NCKAP5: variants seen among roughly 807,000 people sequenced by gnomAD.
NCKAP5 encodes the protein NCK associated protein 5.
Under a neutral mutation model 167.0 loss-of-function variants are expected in NCKAP5, and 92 were observed. The observed-to-expected ratio is 0.55, with a 90% CI of 0.47 to 0.66. NCKAP5 has a LOEUF of 0.66. NCKAP5 is among the 30% of genes least tolerant of loss of function. The probability of loss-of-function intolerance (pLI) is 0.00; values close to 1 mark genes in which losing one functional copy is unlikely to be tolerated. For missense variants in NCKAP5, 2,378 were observed against 2,315.0 expected, an observed-to-expected ratio of 1.03 and a Z score of -0.56; for synonymous variants, 891 against 877.4, an observed-to-expected ratio of 1.02 and a Z score of -0.27.
intron 3 of NCKAP5, among the ~76,000 whole-genome samples, chr2:133,324,908 A>G (rs1682326325): frequency 6.6e-6 from 1 of 152,108 alleles, no homozygotes; most frequent in Non-Finnish European, 1.5e-5. Context: ...GAGTTTCACC[A>G]TGTTGACCAG....
At chr2:132,914,155 A>T (rs1694677745) in intron 8 of NCKAP5, among the ~76,000 whole-genome samples, 2 of 152,200 alleles carry the variant, frequency 1.3e-5, no homozygotes, top group Non-Finnish European at 2.9e-5. Context: ...CAAATAGCAC[A>T]TCTATGTGAA....
At chr2:133,025,782 G>A (rs1268571379) in intron 6 of NCKAP5, among the ~76,000 whole-genome samples, 1 of 152,172 alleles carries the variant, frequency 6.6e-6, no homozygotes, top group African/African-American at 2.4e-5. Flanking sequence ...TCCAGGGATT[G>A]TAGTCATGAT....
chr2:133,672,374 T>C, the NCKAP5 span, among the ~76,000 whole-genome samples: 4 of 152,242 alleles, frequency 2.6e-5, no homozygotes, highest in East Asian at 5.8e-4. Flanking sequence ...AAACTATTTG[T>C]TGCTGATCTG....
At chr2:132,813,611 C>A (rs1214340527) in intron 11 of NCKAP5, among the ~76,000 whole-genome samples, 1 of 152,172 alleles carries the variant, frequency 6.6e-6, no homozygotes, top group Admixed American at 6.5e-5. Flanking sequence ...GTGACTCCTC[C>A]TGTGACACCA....
chr2:132,814,863 T>C (rs1187336145), intron 11 of NCKAP5, among the ~76,000 whole-genome samples: 2 of 152,198 alleles, frequency 1.3e-5, no homozygotes, highest in African/African-American at 4.8e-5. Flanking sequence ...AATGTTTCCA[T>C]TGTTTTTGCT....
intron 6 of NCKAP5, among the ~76,000 whole-genome samples, chr2:133,112,802 A>G (rs1457396097): frequency 6.6e-6 from 1 of 152,190 alleles, no homozygotes. Flanking sequence ...GCCTCCTACA[A>G]ATATCCAAAT....
intron 6 of NCKAP5, among the ~76,000 whole-genome samples, chr2:133,029,978 A>G (rs1490237627): frequency 3.3e-5 from 5 of 152,190 alleles, no homozygotes; most frequent in Admixed American, 1.3e-4. Flanking sequence ...TGGCTGCCCA[A>G]ATCAAGAAAA....
intron 9 of NCKAP5, among the ~76,000 whole-genome samples, chr2:132,877,917 T>C (rs1265681542): frequency 6.6e-6 from 1 of 152,250 alleles, no homozygotes; most frequent in African/African-American, 2.4e-5. Context: ...TCTTCTTTTC[T>C]TTCTAAAATC....
intron 8 of NCKAP5, among the ~76,000 whole-genome samples, chr2:132,903,950 C>A (rs1212915860): frequency 2.0e-5 from 3 of 152,086 alleles, no homozygotes; most frequent in African/African-American, 7.2e-5. Context: ...GGTGATAATT[C>A]TTTTTCTTGT....
rs79320558 is a variant in NCKAP5, at chr2:132,762,521, A to C, written c.5128+11295T>G. On this transcript the variant is annotated intron_variant, in intron 16 of 19. Transcript: ENST00000409261. ...TGTACTTTAGAGCAATAGGCCTTGG[A>C]AATGGGTGGGGAAAGGGCAAAACTT... Among the ~76,000 whole-genome samples, 1,077 of 152,276 alleles carry C rather than the reference A, an allele frequency of 7.1e-3. 15 individuals carry two copies. Among genetic ancestry groups the C allele is most frequent in the African/African-American group, 0.025 (1,019 of 41,552 alleles).
intron 10 of NCKAP5, among the ~76,000 whole-genome samples, chr2:132,864,817 T>C (rs937355221): frequency 6.6e-6 from 1 of 152,186 alleles, no homozygotes; most frequent in African/African-American, 2.4e-5. Flanking sequence ...GCAGTGTCTA[T>C]CATGGGAATA....
At chr2:133,224,786 T>A (rs1484797248) in intron 4 of NCKAP5, among the ~76,000 whole-genome samples, 1 of 152,156 alleles carries the variant, frequency 6.6e-6, no homozygotes, top group African/African-American at 2.4e-5. Flanking sequence ...GAGCAAAAAT[T>A]CGCCTAATTT....
chr2:132,939,080 G>A (rs1374969767), intron 8 of NCKAP5, among the ~76,000 whole-genome samples: 1 of 152,136 alleles, frequency 6.6e-6, no homozygotes, highest in Non-Finnish European at 1.5e-5. Flanking sequence ...TAAAGTACAA[G>A]GGAATAATTT....
chr2:133,531,544 A>T (rs765515627), intron 2 of NCKAP5, among the ~76,000 whole-genome samples: 1 of 152,090 alleles, frequency 6.6e-6, no homozygotes, highest in African/African-American at 2.4e-5. Context: ...GAAAATTGCA[A>T]CGTTTTTGGC....
chr2:133,577,856 C>G, the NCKAP5 span, among the ~76,000 whole-genome samples: 1 of 152,200 alleles, frequency 6.6e-6, no homozygotes, highest in African/African-American at 2.4e-5. Context: ...AACAACTGCT[C>G]TTGGTTTCCA....
intron 8 of NCKAP5, among the ~76,000 whole-genome samples, chr2:132,884,444 G>A (rs138809307): frequency 8.6e-4 from 131 of 152,274 alleles, no homozygotes; most frequent in African/African-American, 2.7e-3. Flanking sequence ...AGCAGGCTCC[G>A]GTTCCAGTTC....
intron 8 of NCKAP5, among the ~76,000 whole-genome samples, chr2:132,906,854 T>G (rs1694045594): frequency 2.0e-5 from 3 of 152,248 alleles, no homozygotes; most frequent in Admixed American, 1.3e-4. Flanking sequence ...CCTCAGGAGT[T>G]TGGGGGTCAA....
rs1451702134 is a variant in NCKAP5 at position 133,446,800 on chromosome 2, G to A, written c.69+70658C>T. 1.3e-5 allele frequency among the ~76,000 whole-genome samples: 2 copies of A among 152,166 alleles called. 1 individual carries two copies. The highest frequency in any genetic ancestry group is 2.9e-5 in the Non-Finnish European group (2 of 68,042). ...TGGAGGAGATGAGACAACCATGGGA[G>A]AGAGGGGAGAGGCAGGAAGAAGAGG... On this transcript the variant is annotated intron_variant, in intron 3 of 19. Transcript: ENST00000409261.
chr2:133,542,031 A>G (rs750314391), intron 2 of NCKAP5, among the ~76,000 whole-genome samples: 6 of 152,072 alleles, frequency 3.9e-5, no homozygotes, highest in South Asian at 2.1e-4. Flanking sequence ...ATTCTCTCAC[A>G]TGGTACATCT....
Sources: allele counts gnomAD v4.1 joint callset (sites outside exome capture counted in the v4.1 genomes callset), GRCh38; gene constraint gnomAD v4.1.1; transcripts MANE v1.5; gene names NCBI Gene and HGNC (gene_info 2026-07-23, HGNC 2026-07-21).